The following ANKRD30B variants were observed in gnomAD, a reference collection of about 807,000 sequenced individuals.
ANKRD30B encodes ankyrin repeat domain-containing protein 30B.
A neutral mutation model predicts 202.2 loss-of-function variants in ANKRD30B; 144 were observed. The observed-to-expected ratio is 0.71, with a 90% CI of 0.62 to 0.82. The LOEUF is 0.82. Ranked by LOEUF, ANKRD30B falls within the 40% of genes least tolerant of loss-of-function variation. ANKRD30B has a pLI of 0.00. For synonymous variants in ANKRD30B, 508 were observed against 561.3 expected (o/e 0.91, Z 1.34); for missense variants, 1,487 against 1,669.1 (o/e 0.89, Z 1.90).
At chr18:14,909,717 A>G in the ANKRD30B span, among the ~76,000 whole-genome samples, 1 of 152,290 alleles carries the variant, frequency 6.6e-6, no homozygotes, top group East Asian at 1.9e-4. Flanking sequence ...GGAAGGCACT[A>G]TTTTTAATCA....
the ANKRD30B span, among the ~76,000 whole-genome samples, chr18:14,868,093 GTAGGAGC>G: frequency 3.9e-5 from 6 of 152,392 alleles, no homozygotes; most frequent in Admixed American, 1.3e-4. Context: ...AGGCCAAGTG[GTAGGAGC>G]CTTGGAGGGT....
chr18:14,796,381 C>G lies in ANKRD30B; in HGVS notation c.1893C>G (p.Ala631=), dbSNP rs1375640308. The G allele has an allele frequency of 6.4e-7, 1 of 1,563,266 alleles. No individual in the cohort carries two copies. Among genetic ancestry groups the G allele is most frequent in the Non-Finnish European group, 8.7e-7 (1 of 1,153,298 alleles). The change falls in exon 18 of 44, where the codon GCC becomes GCG. Residue 631 remains alanine (A), a synonymous_variant. Coordinates refer to ENST00000690538, the MANE Select transcript of ANKRD30B (RefSeq NM_001367607.2). ...GGAAAGTTTCTCTTCCAAATAAAGCCTTAGAATTAAAGGACAGAGAAACAT... is the reference window on the plus strand; with the variant it reads ...GGAAAGTTTCTCTTCCAAATAAAGCGTTAGAATTAAAGGACAGAGAAACAT... ...CGRKVSLPNK[A]LELKDRETFK... is the part of the protein sequence containing the mutation.
intron 15 of ANKRD30B, among the ~76,000 whole-genome samples, chr18:14,789,893 T>C (rs917347677): frequency 3.3e-5 from 5 of 152,208 alleles, no homozygotes; most frequent in African/African-American, 1.2e-4. Flanking sequence ...TGGTTACATA[T>C]GAACTTTAAA....
intron 16 of ANKRD30B, among the ~76,000 whole-genome samples, chr18:14,793,018 A>G (rs1203957229): frequency 6.6e-6 from 1 of 152,174 alleles, no homozygotes; most frequent in Admixed American, 6.5e-5. Flanking sequence ...TTGCAACTAA[A>G]TTTATAACAA....
chr18:14,893,050 A>G, the ANKRD30B span, among the ~76,000 whole-genome samples: 3 of 152,204 alleles, frequency 2.0e-5, no homozygotes, highest in South Asian at 6.2e-4. Flanking sequence ...ATATACTTAT[A>G]TTCTTAATTG....
At chr18:14,847,086 ATATATATGTATAATGTTTTTTAGT>A (rs1971678465) in intron 39 of ANKRD30B, among the ~76,000 whole-genome samples, 1 of 134,486 alleles carries the variant, frequency 7.4e-6, no homozygotes, top group Non-Finnish European at 1.6e-5. Flanking sequence ...ATATATATAT[ATATATATGTATAATGTTTTTTAGT>A]TATTGATCTG....
intron 12 of ANKRD30B, 26 bp downstream of exon 12, chr18:14,782,640 G>A: frequency 5.4e-6 from 8 of 1,476,690 alleles, no homozygotes; most frequent in East Asian, 2.3e-5. Context: ...TATTTGAAAA[G>A]TCTTTTAACC....
chr18:14,815,388 A>G (rs1187921634), intron 30 of ANKRD30B, among the ~76,000 whole-genome samples: 1 of 151,770 alleles, frequency 6.6e-6, no homozygotes, highest in African/African-American at 2.4e-5. Flanking sequence ...ACTGTGATTC[A>G]GCCGACTAGG....
the ANKRD30B span, among the ~76,000 whole-genome samples, chr18:14,891,044 A>G: frequency 6.6e-6 from 1 of 152,142 alleles, no homozygotes; most frequent in African/African-American, 2.4e-5. Context: ...TTAAAATTTT[A>G]GCGTACTTTT....
intron 18 of ANKRD30B, among the ~76,000 whole-genome samples, chr18:14,796,873 T>A (rs568950562): frequency 3.5e-4 from 54 of 152,270 alleles, no homozygotes; most frequent in Non-Finnish European, 6.8e-4. Context: ...GATGGTCCCA[T>A]GTGGATGAAG....
chr18:14,925,581 G>T, the ANKRD30B span, among the ~76,000 whole-genome samples: 1 of 152,258 alleles, frequency 6.6e-6, no homozygotes, highest in African/African-American at 2.4e-5. Context: ...GCTAGGTTTT[G>T]TGGGCAAGGC....
At chr18:14,859,099 G>T (rs1454906129), downstream of ANKRD30B, among the ~76,000 whole-genome samples, 2 of 137,996 alleles carry the variant, frequency 1.4e-5, no homozygotes, top group African/African-American at 5.5e-5. Context: ...CTCCTAGATG[G>T]GGTGGCCGGG....
At chr18:14,787,894 C>G (rs1968188048) in intron 15 of ANKRD30B, among the ~76,000 whole-genome samples, 1 of 152,146 alleles carries the variant, frequency 6.6e-6, no homozygotes, top group Admixed American at 6.5e-5. Context: ...TTTTATTAGA[C>G]AAAACACTTT....
chr18:14,874,387 A>C, the ANKRD30B span, among the ~76,000 whole-genome samples: 6 of 152,174 alleles, frequency 3.9e-5, no homozygotes, highest in Admixed American at 6.5e-5. Context: ...ACTCATGGCT[A>C]TGAGGCCTTA....
At chr18:14,821,148 C>T (rs1002054738) in intron 30 of ANKRD30B, among the ~76,000 whole-genome samples, 30 of 152,180 alleles carry the variant, frequency 2.0e-4, no homozygotes, top group African/African-American at 3.4e-4. Flanking sequence ...AGTTTATTTG[C>T]GTAGAGGTGT....
chr18:14,862,318 A>C, the ANKRD30B span, among the ~76,000 whole-genome samples: 2 of 151,752 alleles, frequency 1.3e-5, no homozygotes, highest in Non-Finnish European at 2.9e-5. Flanking sequence ...CCATACAAGG[A>C]ATCAGCAAAA....
Position 14,777,002 on chromosome 18 carries a change from T to G in ANKRD30B, c.1330-983T>G, listed in dbSNP as rs145402295. On this transcript the variant is annotated intron_variant, in intron 9 of 43. Transcript: ENST00000690538. The stretch of plus-strand genomic sequence containing the variant: ...TTAACAAAAATTCTATAATTATGCA[T>G]ATGTCAAGTGTTTAATCATATTGTG... 6.3e-4 allele frequency among the ~76,000 whole-genome samples: 96 copies of G among 152,360 alleles called. No individual in the cohort carries two copies. The East Asian group carries it at 0.017, about 27-fold the overall frequency.
At chr18:14,917,295 G>C in the ANKRD30B span, among the ~76,000 whole-genome samples, 260 of 152,278 alleles carry the variant, frequency 1.7e-3, 1 homozygote, top group African/African-American at 6.0e-3. Flanking sequence ...AACATGCACA[G>C]AAACTTCTTA....
chr18:14,892,840 C>T, the ANKRD30B span, among the ~76,000 whole-genome samples: 3 of 149,822 alleles, frequency 2.0e-5, no homozygotes, highest in South Asian at 6.4e-4. Flanking sequence ...ATCACTTGAA[C>T]TTGGGAGGCA....
Sources: gnomAD v4.1 joint callset for allele counts (sites outside exome capture counted in the v4.1 genomes callset) on GRCh38, gnomAD v4.1.1 for gene constraint, MANE v1.5 for transcripts, NCBI Gene and HGNC (gene_info 2026-07-23, HGNC 2026-07-21) for gene names.